CSNK1G3: variants seen among roughly 807,000 people sequenced by gnomAD.
The protein encoded by CSNK1G3 is casein kinase I isoform gamma-3.
A neutral mutation model predicts 64.3 loss-of-function variants in CSNK1G3; 23 were observed. The ratio of observed to expected loss-of-function variants is 0.36; its 90% CI spans 0.26 to 0.51. CSNK1G3 has a LOEUF of 0.51. Ranked by LOEUF, CSNK1G3 falls within the 20% of genes least tolerant of loss-of-function variation. CSNK1G3 has a pLI of 0.96. For missense variants in CSNK1G3, 357 were observed against 510.5 expected (o/e 0.70, Z 2.90); for synonymous variants, 158 against 162.2 (o/e 0.97, Z 0.20).
chr5:123,586,573 C>T (rs553585376), intron 6 of CSNK1G3, among the ~76,000 whole-genome samples: 26 of 152,162 alleles, frequency 1.7e-4, no homozygotes, highest in Admixed American at 5.2e-4. Context: ...AAAACCTCTC[C>T]GTTATATCAC....
Position 123,600,406 on chromosome 5 carries a change from C to T in CSNK1G3, c.1087-4318C>T, listed in dbSNP as rs1270930424. Among the ~76,000 whole-genome samples, 11 of 151,882 alleles carry T rather than the reference C, an allele frequency of 7.2e-5. No individual in the cohort carries two copies. In the East Asian group the frequency reaches 2.1e-3, roughly 30 times the overall value. ...TTTGGGAGGCTGAGGCGGGTGATCA[C>T]TTGAGGTCAGGAGTTCGAGACCAGC... On this transcript the variant is annotated intron_variant, in intron 10 of 12. Transcript: ENST00000345990.
chr5:123,552,160 T>TG (rs1389846368), intron 2 of CSNK1G3, among the ~76,000 whole-genome samples: 2 of 151,900 alleles, frequency 1.3e-5, no homozygotes, highest in Non-Finnish European at 2.9e-5. Context: ...TAATTTTTTT[T>TG]TTTTGATGGA....
At chr5:123,526,776 G>A (rs138038416) in intron 1 of CSNK1G3, among the ~76,000 whole-genome samples, 1 of 151,722 alleles carries the variant, frequency 6.6e-6, no homozygotes, top group East Asian at 1.9e-4. Context: ...ATATTCCATT[G>A]TATGGATGTA....
intron 1 of CSNK1G3, among the ~76,000 whole-genome samples, chr5:123,533,547 A>G (rs946291454): frequency 6.6e-6 from 1 of 151,496 alleles, no homozygotes; most frequent in Non-Finnish European, 1.5e-5. Flanking sequence ...AATTTTTATT[A>G]TTAGTTGGAA....
intron 1 of CSNK1G3, among the ~76,000 whole-genome samples, chr5:123,520,138 G>A (rs1777847368): frequency 6.6e-6 from 1 of 152,104 alleles, no homozygotes; most frequent in Non-Finnish European, 1.5e-5. Flanking sequence ...AACCTAGCCT[G>A]CTTAAATGAA....
intron 1 of CSNK1G3, among the ~76,000 whole-genome samples, chr5:123,539,789 T>C (rs986880804): frequency 6.6e-6 from 1 of 152,180 alleles, no homozygotes; most frequent in Non-Finnish European, 1.5e-5. Flanking sequence ...ATCATCTTTA[T>C]GGGAATACTT....
intron 9 of CSNK1G3, among the ~76,000 whole-genome samples, chr5:123,590,933 G>GT (rs1419978264): frequency 6.6e-6 from 1 of 151,662 alleles, no homozygotes; most frequent in Non-Finnish European, 1.5e-5. Flanking sequence ...AATTTTATTA[G>GT]TTTTTTTATT....
At chr5:123,553,119 A>C (rs1167593870) in exon 3 of CSNK1G3, 1 of 1,401,098 alleles carries the variant, frequency 7.1e-7, no homozygotes, top group East Asian at 2.6e-5. Flanking sequence ...AAAAATTTAT[A>C]CACAAATGAA....
Position 123,591,433 on chromosome 5 carries a change from A to T in CSNK1G3, c.1086+19A>T, listed in dbSNP as rs1334006296. ...AAACCAGGTTTGCTGCCCTTTAGATATGAAATACCTTCCTTTCATGATTGA... is the reference window on the plus strand; with the variant it reads ...AAACCAGGTTTGCTGCCCTTTAGATTTGAAATACCTTCCTTTCATGATTGA... On this transcript the variant is annotated intron_variant, in intron 10 of 12. Transcript: ENST00000345990. 1 of 1,516,268 alleles carries T rather than the reference A, an allele frequency of 6.6e-7. No homozygotes were observed. Among genetic ancestry groups the T allele is most frequent in the Admixed American group, 1.8e-5 (1 of 56,296 alleles). The allele number at this position is 1,516,268 out of a possible 1,614,324, so 93.9% of individuals were successfully genotyped here. A position where few individuals can be genotyped will look rare whatever the true frequency, so the allele number is the denominator to read the frequency against.
At chr5:123,612,429 GTAGT>G (rs1561638837) in intron 12 of CSNK1G3, among the ~76,000 whole-genome samples, 3 of 151,560 alleles carry the variant, frequency 2.0e-5, no homozygotes, top group Non-Finnish European at 4.4e-5. Context: ...AACATACCTA[GTAGT>G]TATTTTATAT....
At chr5:123,602,907 C>G (rs1166000032) in intron 10 of CSNK1G3, among the ~76,000 whole-genome samples, 1 of 152,050 alleles carries the variant, frequency 6.6e-6, no homozygotes, top group South Asian at 2.1e-4. Flanking sequence ...ATGTATTGAT[C>G]TCATCTCACC....
intron 1 of CSNK1G3, among the ~76,000 whole-genome samples, chr5:123,516,210 G>A (rs1777141266): frequency 6.6e-6 from 1 of 152,178 alleles, no homozygotes; most frequent in South Asian, 2.1e-4. Flanking sequence ...TGTAGGTGCA[G>A]ACAGTATGGT....
At chr5:123,539,914 T>C (rs1208984092) in intron 1 of CSNK1G3, among the ~76,000 whole-genome samples, 2 of 152,198 alleles carry the variant, frequency 1.3e-5, no homozygotes, top group Non-Finnish European at 2.9e-5. Context: ...GTATTAAATT[T>C]ATTGGCCTAA....
At chr5:123,550,167 G>A (rs1029816959) in intron 2 of CSNK1G3, among the ~76,000 whole-genome samples, 10 of 152,096 alleles carry the variant, frequency 6.6e-5, no homozygotes, top group African/African-American at 1.9e-4. Flanking sequence ...AGACGGTAAC[G>A]AAAAATTCCA....
chr5:123,590,245 CTCT>C (rs1792097324), intron 8 of CSNK1G3, among the ~76,000 whole-genome samples, 162 bp from the exon 9 acceptor site: 2 of 151,774 alleles, frequency 1.3e-5, no homozygotes, highest in African/African-American at 4.8e-5. Context: ...CCTTCTTTTC[CTCT>C]TTTTTATTTT....
intron 4 of CSNK1G3, among the ~76,000 whole-genome samples, chr5:123,558,187 C>T (rs1420145689): frequency 6.6e-6 from 1 of 152,128 alleles, no homozygotes; most frequent in Non-Finnish European, 1.5e-5. Context: ...AGACTCTTAC[C>T]TCCATAACTG....
intron 1 of CSNK1G3, among the ~76,000 whole-genome samples, chr5:123,541,495 C>G (rs531205203): frequency 7.9e-5 from 12 of 152,282 alleles, no homozygotes; most frequent in African/African-American, 2.9e-4. Context: ...GTGGCACAAT[C>G]TCAGCTCACT....
In CSNK1G3 at chr5:123,590,402, A is replaced by G. The variant is rs1237049021; in HGVS notation, c.845-11A>G. 1.5e-6 allele frequency: 2 copies of G among 1,366,618 alleles called. No homozygotes were observed. The highest frequency in any genetic ancestry group is 1.9e-6 in the Non-Finnish European group (2 of 1,026,836). The allele number at this position is 1,366,618 out of a possible 1,614,324, so 84.7% of individuals were successfully genotyped here. A position where few individuals can be genotyped will look rare whatever the true frequency, so the allele number is the denominator to read the frequency against. On this transcript the variant is annotated splice_polypyrimidine_tract_variant and intron_variant, in intron 8 of 12. Transcript: ENST00000345990. ...GTATAGTCCAAATAATTTTTATATTATTTCTAGAAGAAATGGCAACATATC... is the reference window on the plus strand; with the variant it reads ...GTATAGTCCAAATAATTTTTATATTGTTTCTAGAAGAAATGGCAACATATC...
At chr5:123,553,314 C>A (rs1175320134) in intron 3 of CSNK1G3, among the ~76,000 whole-genome samples, 167 bp downstream of exon 3, 1 of 152,096 alleles carries the variant, frequency 6.6e-6, no homozygotes, top group Admixed American at 6.5e-5. Context: ...TCATCCTGCT[C>A]TTAAAGTATA....
Sources: allele counts gnomAD v4.1 joint callset (sites outside exome capture counted in the v4.1 genomes callset), GRCh38; gene constraint gnomAD v4.1.1; transcripts MANE v1.5; gene names NCBI Gene and HGNC (gene_info 2026-07-23, HGNC 2026-07-21).